The following CACUL1 variants were observed in gnomAD, a reference collection of about 807,000 sequenced individuals.
CACUL1 encodes CDK2 associated cullin domain 1.
A neutral mutation model predicts 45.2 loss-of-function variants in CACUL1; 13 were observed. The observed-to-expected ratio is 0.29, with a 90% CI of 0.19 to 0.46. The LOEUF (loss-of-function observed/expected upper bound fraction) is 0.46, where lower values mean the gene tolerates loss of function less well. Among genes scored for constraint, CACUL1 ranks in the 20% least tolerant of loss-of-function variants. The pLI is 1.00. For missense variants in CACUL1, 421 were observed against 471.4 expected (o/e 0.89, Z 0.99); for synonymous variants, 197 against 174.2 (o/e 1.13, Z -1.03).
At chr10:118,726,119 C>T (rs1209811571) in intron 3 of CACUL1, among the ~76,000 whole-genome samples, 1 of 152,178 alleles carries the variant, frequency 6.6e-6, no homozygotes, top group Non-Finnish European at 1.5e-5. Context: ...AAAACCAGAG[C>T]TGCAAACAAA....
intron 1 of CACUL1, among the ~76,000 whole-genome samples, chr10:118,748,141 G>A (rs1188363503): frequency 1.3e-5 from 2 of 152,192 alleles, no homozygotes; most frequent in African/African-American, 4.8e-5. Context: ...TGACAGAAAT[G>A]TTCTCTTGGT....
At chr10:118,703,120 T>C (rs1462325636) in intron 4 of CACUL1, among the ~76,000 whole-genome samples, 1 of 152,110 alleles carries the variant, frequency 6.6e-6, no homozygotes, top group Non-Finnish European at 1.5e-5. Context: ...GTTTCTCTCT[T>C]TAAAAAAATA....
At position 118,695,238 on chromosome 10, in the gene CACUL1, A is replaced by C. The variant is rs779751492; in HGVS notation, c.797-8T>G. ...GGGCTTCTAAAAGTAAAGCTGAAAT[A>C]AGAAAACAGGTTAAAAAGAATGTAA... On this transcript the variant is annotated splice_polypyrimidine_tract_variant and splice_region_variant and intron_variant, in intron 5 of 8. Transcript: ENST00000369151. 1.9e-5 allele frequency: 29 copies of C among 1,513,966 alleles called. No homozygotes were observed. In the East Asian group the frequency reaches 6.1e-4, roughly 32 times the overall value. 93.8% of individuals were successfully genotyped at this position (1,513,966 alleles called of 1,614,324 possible).
At chr10:118,740,011 G>A (rs1845777718) in intron 1 of CACUL1, among the ~76,000 whole-genome samples, 1 of 152,100 alleles carries the variant, frequency 6.6e-6, no homozygotes, top group Non-Finnish European at 1.5e-5. Flanking sequence ...GCTGGGTGTG[G>A]TGGCATGCGC....
At chr10:118,734,738 C>T (rs1176179928) in intron 1 of CACUL1, among the ~76,000 whole-genome samples, 4 of 152,116 alleles carry the variant, frequency 2.6e-5, no homozygotes, top group African/African-American at 9.7e-5. Context: ...AACATCATGC[C>T]GCAAGGCTTA....
chr10:118,700,500 G>A (rs1262610668), intron 5 of CACUL1, among the ~76,000 whole-genome samples: 7 of 151,938 alleles, frequency 4.6e-5, no homozygotes, highest in African/African-American at 1.5e-4. Context: ...GGTGGATCAC[G>A]AGGTCAAAAG....
At position 118,677,003 on chromosome 10, in the gene CACUL1, A is replaced by AT. The variant is rs1485027983; in HGVS notation, c.*9124dup. ...AATACTACTTTCTAGTTTTTACAACATTTTTTTCTTTTTTAGTTCACAATC... is the reference window on the plus strand; with the variant it reads ...AATACTACTTTCTAGTTTTTACAACATTTTTTTTCTTTTTTAGTTCACAATC... On this transcript the variant is annotated 3_prime_UTR_variant, in exon 9 of 9. Transcript: ENST00000369151. The AT allele has an allele frequency of 2.0e-5, 3 of 151,870 alleles. No homozygotes were observed. Among genetic ancestry groups the AT allele is most frequent in the Non-Finnish European group, 4.4e-5 (3 of 67,974 alleles). 9.4% of individuals were successfully genotyped at this position (151,870 alleles called of 1,614,324 possible). A position where few individuals can be genotyped will look rare whatever the true frequency, so the allele number is the denominator to read the frequency against.
intron 1 of CACUL1, among the ~76,000 whole-genome samples, chr10:118,732,066 T>C (rs977472273): frequency 5.9e-5 from 9 of 152,276 alleles, no homozygotes; most frequent in Middle Eastern, 6.8e-3. Flanking sequence ...ACTTTGACTT[T>C]TACTCTAAGG....
At chr10:118,692,695 T>C (rs995073031) in intron 6 of CACUL1, 2 of 152,184 alleles carry the variant, frequency 1.3e-5, no homozygotes, top group African/African-American at 2.4e-5. Flanking sequence ...TCAAAAACTA[T>C]AAAAATATTA....
chr10:118,692,667 A>C (rs1281779386), intron 6 of CACUL1: 1 of 152,204 alleles, frequency 6.6e-6, no homozygotes, highest in Non-Finnish European at 1.5e-5. Context: ...CTCTTGGAAA[A>C]CATTTTGGCT....
At chr10:118,692,415 G>A (rs922496152) in intron 6 of CACUL1, 3 of 152,126 alleles carry the variant, frequency 2.0e-5, no homozygotes, top group African/African-American at 7.2e-5. Flanking sequence ...AGATCAGTAA[G>A]ACCAGATAAA....
Position 118,683,798 on chromosome 10 carries a change from T to A in CACUL1, c.*2330A>T, listed in dbSNP as rs570729544. 124 of 152,256 alleles carry A rather than the reference T, an allele frequency of 8.1e-4. No individual in the cohort carries two copies. The highest frequency in any genetic ancestry group is 2.6e-3 in the African/African-American group (106 of 41,536). 9.4% of individuals were successfully genotyped at this position (152,256 alleles called of 1,614,324 possible). A position where few individuals can be genotyped will look rare whatever the true frequency, so the allele number is the denominator to read the frequency against. ...TCTTATTTCCTCTCATACTGCAAACTCACTCAGAATTTTTTAGAATCCCAA... is the reference window on the plus strand; with the variant it reads ...TCTTATTTCCTCTCATACTGCAAACACACTCAGAATTTTTTAGAATCCCAA... On this transcript the variant is annotated 3_prime_UTR_variant, in exon 9 of 9. Coordinates refer to ENST00000369151, the MANE Select transcript of CACUL1 (RefSeq NM_153810.5).
At chr10:118,751,721 G>A (rs905217309) in intron 1 of CACUL1, among the ~76,000 whole-genome samples, 2 of 152,108 alleles carry the variant, frequency 1.3e-5, no homozygotes, top group African/African-American at 4.8e-5. Flanking sequence ...TTAGGCTATT[G>A]AGTTTGTCAA....
chr10:118,749,936 A>G (rs1462704114), intron 1 of CACUL1, among the ~76,000 whole-genome samples: 2 of 152,240 alleles, frequency 1.3e-5, no homozygotes, highest in Admixed American at 6.5e-5. Flanking sequence ...GAAGGGCTAG[A>G]TGTACCCTTT....
At chr10:118,692,510 C>T (rs1434203212) in intron 6 of CACUL1, 1 of 152,156 alleles carries the variant, frequency 6.6e-6, no homozygotes, top group Non-Finnish European at 1.5e-5. Flanking sequence ...ATACTCTCTC[C>T]TTTTTATTCA....
chr10:118,690,640 T>G (rs892896084), intron 7 of CACUL1, among the ~76,000 whole-genome samples: 4 of 152,200 alleles, frequency 2.6e-5, no homozygotes, highest in Admixed American at 2.6e-4. Flanking sequence ...AAAAGTACAT[T>G]ATAACAGATC....
intron 3 of CACUL1, among the ~76,000 whole-genome samples, chr10:118,710,459 C>A (rs1218155135): frequency 6.6e-6 from 1 of 152,168 alleles, no homozygotes; most frequent in Non-Finnish European, 1.5e-5. Flanking sequence ...ACTGTCTACA[C>A]CTCTGGTTGC....
intron 7 of CACUL1, 134 bp downstream of exon 7, chr10:118,691,131 T>G (rs1224286629): frequency 2.8e-6 from 2 of 726,616 alleles, no homozygotes; most frequent in East Asian, 5.1e-5. Context: ...AAGGAGCTAA[T>G]GTCTTCTTGC....
At position 118,731,387 on chromosome 10, in the gene CACUL1, C is replaced by T. The variant is rs17098006; in HGVS notation, c.368-977G>A. ...TCCCAGTATCTTTTTATCACATTAT[C>T]GATTTCCACACCTTAGTCATCCAGG... On this transcript the variant is annotated intron_variant, in intron 1 of 8. Transcript: ENST00000369151. Among the ~76,000 whole-genome samples, 1,364 of 152,290 alleles carry T rather than the reference C, an allele frequency of 9.0e-3. 20 individuals carry two copies. Among genetic ancestry groups the T allele is most frequent in the African/African-American group, 0.031 (1,301 of 41,550 alleles).
Sources: allele counts gnomAD v4.1 joint callset (sites outside exome capture counted in the v4.1 genomes callset), GRCh38; gene constraint gnomAD v4.1.1; transcripts MANE v1.5; gene names NCBI Gene and HGNC (gene_info 2026-07-23, HGNC 2026-07-21).